NTRK2: variants seen among roughly 807,000 people sequenced by gnomAD.
NTRK2 encodes the protein neurotrophic receptor tyrosine kinase 2.
A neutral mutation model predicts 94.5 loss-of-function variants in NTRK2; 13 were observed. The observed-to-expected ratio is 0.14, with a 90% confidence interval of 0.09 to 0.22. The LOEUF (loss-of-function observed/expected upper bound fraction) is 0.22. Among genes scored for constraint, NTRK2 ranks in the 10% least tolerant of loss-of-function variants. NTRK2 has a pLI of 1.00. For synonymous variants in NTRK2, 372 were observed against 407.4 expected (o/e 0.91, Z 1.05); for missense variants, 639 against 1,071.2 (o/e 0.60, Z 5.63).
At chr9:84,980,590 T>A (rs2133223098) in intron 17 of NTRK2, among the ~76,000 whole-genome samples, 1 of 152,330 alleles carries the variant, frequency 6.6e-6, no homozygotes, top group South Asian at 2.1e-4. Context: ...TAAAACACTG[T>A]CCCTAGGTGT....
Position 84,924,229 on chromosome 9 carries a change from T to TGGAA in NTRK2, c.1634-9933_1634-9932insGGAA, listed in dbSNP as rs1418865491. Among the ~76,000 whole-genome samples the TGGAA allele has an allele frequency of 1.1e-3, 127 of 115,684 alleles. 1 individual carries two copies. Among genetic ancestry groups the TGGAA allele is most frequent in the African/African-American group, 4.1e-3 (122 of 29,520 alleles). 75.9% of individuals were successfully genotyped at this position (115,684 alleles called of 152,430 possible). On this transcript the variant is annotated intron_variant, in intron 14 of 18. Coordinates refer to ENST00000277120, the MANE Select transcript of NTRK2 (RefSeq NM_006180.6). ...GAGACCCTGTCTCAAAGAAAGAAAG[T>TGGAA]AGAAAGAAAGAAAGAAAGAAAGAAA...
intron 17 of NTRK2, among the ~76,000 whole-genome samples, chr9:84,966,722 C>T (rs952126041): frequency 5.3e-5 from 8 of 152,146 alleles, no homozygotes; most frequent in Admixed American, 6.5e-5. Context: ...TAAGCCACTG[C>T]GCCCAGCCAG....
intron 12 of NTRK2, among the ~76,000 whole-genome samples, chr9:84,754,875 C>G (rs900841753): frequency 4.6e-5 from 7 of 152,160 alleles, no homozygotes; most frequent in Non-Finnish European, 5.9e-5. Context: ...CCTAGCAATG[C>G]GTGGTTTATT....
chr9:84,695,342 G>T (rs1291219001), intron 2 of NTRK2, among the ~76,000 whole-genome samples: 2 of 152,144 alleles, frequency 1.3e-5, no homozygotes, highest in African/African-American at 2.4e-5. Context: ...ACTCCTTGTT[G>T]CTTGAAGAGA....
chr9:84,992,360 CA>C (rs758116035), intron 17 of NTRK2, among the ~76,000 whole-genome samples: 52 of 151,826 alleles, frequency 3.4e-4, no homozygotes, highest in Non-Finnish European at 7.1e-4. Flanking sequence ...TCTATCTGAG[CA>C]TATTTTCTCC....
chr9:84,918,385 T>C (rs1205359799), intron 14 of NTRK2, among the ~76,000 whole-genome samples: 1 of 152,224 alleles, frequency 6.6e-6, no homozygotes, highest in Non-Finnish European at 1.5e-5. Context: ...TTCACCTGCA[T>C]GTCCTTGCCT....
chr9:84,925,802 C>T (rs529801438), intron 14 of NTRK2, among the ~76,000 whole-genome samples: 28 of 152,304 alleles, frequency 1.8e-4, no homozygotes, highest in African/African-American at 6.7e-4. Flanking sequence ...TTTAGTCCAG[C>T]CAGATGAATC....
chr9:84,935,258 T>C (rs956189263), intron 15 of NTRK2, among the ~76,000 whole-genome samples: 1 of 152,192 alleles, frequency 6.6e-6, no homozygotes, highest in African/African-American at 2.4e-5. Context: ...TGGCATTTAT[T>C]TACTAGTCAT....
chr9:84,828,575 A>C (rs1056114300), intron 12 of NTRK2, among the ~76,000 whole-genome samples: 3 of 152,218 alleles, frequency 2.0e-5, no homozygotes, highest in African/African-American at 7.2e-5. Context: ...CCTCATTAGT[A>C]CAACAACACA....
chr9:84,841,942 C>T (rs139920772), intron 12 of NTRK2, among the ~76,000 whole-genome samples: 71 of 152,320 alleles, frequency 4.7e-4, no homozygotes, highest in African/African-American at 1.3e-3. Flanking sequence ...TGTGATGAGA[C>T]GCATCCCAAG....
At chr9:84,770,153 A>AACACACACAAC (rs1554721782) in intron 12 of NTRK2, among the ~76,000 whole-genome samples, 3 of 136,956 alleles carry the variant, frequency 2.2e-5, no homozygotes, top group Non-Finnish European at 4.7e-5. Context: ...TGTGCATGAG[A>AACACACACAAC]ACACACACAC....
At chr9:84,931,717 A>C (rs79433961) in intron 14 of NTRK2, among the ~76,000 whole-genome samples, 1 of 75,008 alleles carries the variant, frequency 1.3e-5, no homozygotes, top group Non-Finnish European at 2.3e-5. Flanking sequence ...AATAAAATGC[A>C]AAAAAAAAAA....
intron 17 of NTRK2, among the ~76,000 whole-genome samples, chr9:84,969,809 T>C (rs1272405987): frequency 2.0e-5 from 3 of 152,238 alleles, no homozygotes; most frequent in Non-Finnish European, 4.4e-5. Context: ...GTGAATTCTA[T>C]CCATGGATCC....
chr9:84,826,147 T>C (rs2073173118), intron 12 of NTRK2, among the ~76,000 whole-genome samples: 1 of 152,220 alleles, frequency 6.6e-6, no homozygotes, highest in Non-Finnish European at 1.5e-5. Flanking sequence ...ACAAACGTGA[T>C]GGTTTACAAC....
chr9:84,819,545 C>T (rs17087726), intron 12 of NTRK2, among the ~76,000 whole-genome samples: 10,074 of 152,234 alleles, frequency 0.066, 437 homozygotes, highest in African/African-American at 0.12. Flanking sequence ...CTTCACTCAA[C>T]GCTGTTGAAT....
chr9:84,994,548 G>A lies in NTRK2; in HGVS notation c.2173-25658G>A, dbSNP rs1829497667. ...CACCTTGTCCCCTTCCTGAAGACTT[G>A]CAGAAGACACTCTTTATTGTTACCA... On this transcript the variant is annotated intron_variant, in intron 17 of 18. Coordinates refer to ENST00000277120, the MANE Select transcript of NTRK2 (RefSeq NM_006180.6). 2.6e-5 allele frequency among the ~76,000 whole-genome samples: 4 copies of A among 152,146 alleles called. No individual in the cohort carries two copies. In the South Asian group the frequency reaches 8.3e-4, roughly 32 times the overall value.
chr9:84,944,017 T>C (rs1156705769), intron 15 of NTRK2, among the ~76,000 whole-genome samples: 1 of 152,142 alleles, frequency 6.6e-6, no homozygotes, highest in Non-Finnish European at 1.5e-5. Context: ...GTTTGTGAGA[T>C]GCATTTGCCC....
intron 14 of NTRK2, among the ~76,000 whole-genome samples, chr9:84,917,964 AG>A (rs1245694668): frequency 6.6e-6 from 1 of 152,226 alleles, no homozygotes; most frequent in Non-Finnish European, 1.5e-5. Context: ...GCAGCCTGTG[AG>A]GTGTCTGGGT....
intron 14 of NTRK2, among the ~76,000 whole-genome samples, chr9:84,928,237 GGT>G (rs1239670395): frequency 6.6e-6 from 1 of 152,072 alleles, no homozygotes. Context: ...GTTTTTATAA[GGT>G]GGATGATTTT....
Sources: allele counts gnomAD v4.1 joint callset (sites outside exome capture counted in the v4.1 genomes callset), GRCh38; gene constraint gnomAD v4.1.1; transcripts MANE v1.5; gene names NCBI Gene and HGNC (gene_info 2026-07-23, HGNC 2026-07-21).